PML: variants seen among roughly 807,000 people sequenced by gnomAD.
PML encodes the protein PML nuclear body scaffold.
In PML, 28 loss-of-function variants were observed where a neutral mutation model predicts 65.2. The ratio of observed to expected loss-of-function variants is 0.43; its 90% CI spans 0.32 to 0.59. The LOEUF (loss-of-function observed/expected upper bound fraction) is 0.59. Among genes scored for constraint, PML ranks in the 20% least tolerant of loss-of-function variants. The pLI is 0.08. For missense variants in PML, 1,021 were observed against 1,203.4 expected (o/e 0.85, Z 2.24); for synonymous variants, 500 against 508.8 (o/e 0.98, Z 0.23).
Position 74,043,306 on chromosome 15 carries a change from C to G in PML, c.1861+167C>G, listed in dbSNP as rs1351199449. 24 of 1,488,790 alleles carry G rather than the reference C, an allele frequency of 1.6e-5. No homozygotes were observed. Among genetic ancestry groups the G allele is most frequent in the Non-Finnish European group, 2.1e-5 (24 of 1,126,398 alleles). The allele number at this position is 1,488,790 out of a possible 1,614,324, so 92.2% of individuals were successfully genotyped here. ...CGGCTCACCTGGGCTCCTGGCGTGT[C>G]ATTTGCTGGCTTGAATAAAGATGTC... On this transcript the variant is annotated intron_variant, in intron 8 of 8. Coordinates refer to ENST00000268058, the MANE Select transcript of PML (RefSeq NM_033238.3). This position sits in a 1 kb window ranked among gnomAD's most constrained non-coding sequence, Gnocchi z 4.3.
chr15:73,998,074 C>T lies in PML; in HGVS notation c.200C>T (p.Pro67Leu). ...CQQCQAEAKCPKLLPCLHTLC... is the reference protein window; with the variant it reads ...CQQCQAEAKCLKLLPCLHTLC... ...CAATGCCAGGCGGAAGCCAAGTGCC[C>T]GAAGCTGCTGCCTTGTCTGCACACG... Residue 67 changes from proline to leucine, a missense_variant, in exon 2 of 9, where the codon CCG (proline) becomes CTG (leucine). Physicochemically the swap from Pro to Leu is moderately conservative, Grantham distance 98. Coordinates refer to ENST00000268058, the MANE Select transcript of PML (RefSeq NM_033238.3). 1 of 1,613,546 alleles carries T rather than the reference C, an allele frequency of 6.2e-7. No individual in the cohort carries two copies. The highest frequency in any genetic ancestry group is 2.2e-5 in the East Asian group (1 of 44,888).
chr15:73,997,875 G>A (rs1050034634), intron 1 of PML, 129 bp from the exon 2 acceptor site: 4 of 803,652 alleles, frequency 5.0e-6, no homozygotes, highest in South Asian at 1.5e-5. Context: ...CCAGGGTTTT[G>A]CATCATCCAA....
intron 7 of PML, among the ~76,000 whole-genome samples, chr15:74,041,992 A>G (rs1464542481): frequency 6.6e-6 from 1 of 152,204 alleles, no homozygotes; most frequent in Non-Finnish European, 1.5e-5. Context: ...CACAGGTGGC[A>G]TTCATGGGAG....
chr15:74,041,087 A>AT (rs1482902166), intron 7 of PML, among the ~76,000 whole-genome samples: 2 of 152,188 alleles, frequency 1.3e-5, no homozygotes, highest in African/African-American at 4.8e-5. Context: ...TTGTGGAGGC[A>AT]CTCAGGAACA....
chr15:74,010,185 A>ATTTTTTTTTTTTTTT lies in PML; in HGVS notation c.602+11723_602+11737dup, dbSNP rs536738558. On this transcript the variant is annotated intron_variant, in intron 2 of 8. Coordinates refer to ENST00000268058, the MANE Select transcript of PML (RefSeq NM_033238.3). ...AGACATGCACCACCATGCCCAGCTAATTTTTTTTTTTTTTTTTTTTTTTTT... is the reference window on the plus strand; with the variant it reads ...AGACATGCACCACCATGCCCAGCTAATTTTTTTTTTTTTTTTTTTTTTTTTTTTTTTTTTTTTTTT... Among the ~76,000 whole-genome samples, 57 of 77,930 alleles carry ATTTTTTTTTTTTTTT rather than the reference A, an allele frequency of 7.3e-4. 3 individuals carry two copies. Among genetic ancestry groups the ATTTTTTTTTTTTTTT allele is most frequent in the Admixed American group, 1.3e-3 (7 of 5,444 alleles). 51.1% of individuals were successfully genotyped at this position (77,930 alleles called of 152,430 possible).
At chr15:74,028,553 A>G (rs1399267570) in intron 4 of PML, 2 of 152,146 alleles carry the variant, frequency 1.3e-5, no homozygotes, top group Non-Finnish European at 2.9e-5. Flanking sequence ...ACAGTTCTTT[A>G]GCATTGAGTA....
Position 73,994,885 on chromosome 15 carries a change from C to T in PML, c.73C>T (p.Pro25Ser). The T allele has an allele frequency of 6.5e-7, 1 of 1,545,886 alleles. No homozygotes were observed. Among genetic ancestry groups the T allele is most frequent in the Non-Finnish European group, 8.8e-7 (1 of 1,141,470 alleles). The change falls in exon 1 of 9, where the codon CCC (proline) becomes TCC (serine). Residue 25 changes from proline to serine, a missense_variant. Transcript: ENST00000268058. ...CCGGCCCCAGGAGCCCACCATGCCT[C>T]CCCCCGAGACCCCCTCTGAAGGCCG... ...PARPQEPTMPPPETPSEGRQP... is the reference protein window; with the variant it reads ...PARPQEPTMPSPETPSEGRQP...
At chr15:74,030,826 C>T (rs541845940) in intron 4 of PML, among the ~76,000 whole-genome samples, 48 of 151,952 alleles carry the variant, frequency 3.2e-4, no homozygotes, top group East Asian at 5.8e-4. Context: ...ATTTTTATGG[C>T]GATAAAATTC....
chr15:74,035,049 T>C lies in PML; in HGVS notation c.1710+519T>C. The C allele has an allele frequency of 1.4e-6, 2 of 1,415,248 alleles. No homozygotes were observed. Among genetic ancestry groups the C allele is most frequent in the South Asian group, 1.1e-5 (1 of 87,344 alleles). 87.7% of individuals were successfully genotyped at this position (1,415,248 alleles called of 1,614,324 possible). A position where few individuals can be genotyped will look rare whatever the true frequency, so the allele number is the denominator to read the frequency against. ...AGTGACCCTTCTGTCCCTAGAGGTT[T>C]ATTACTAGAGGCTGGACTATCACCT... is the stretch of plus-strand genomic sequence containing the variant. On this transcript the variant is annotated intron_variant, in intron 7 of 8. Transcript: ENST00000268058. This position sits in a 1 kb window ranked among gnomAD's most constrained non-coding sequence, Gnocchi z 4.1.
intron 2 of PML, among the ~76,000 whole-genome samples, chr15:74,018,721 G>A (rs148096666): frequency 2.3e-4 from 35 of 152,302 alleles, no homozygotes; most frequent in Admixed American, 9.2e-4. Context: ...GCTTTGCTAA[G>A]ATAGAATTAT....
chr15:73,995,527 T>C (rs1329381523), intron 1 of PML, among the ~76,000 whole-genome samples: 1 of 152,232 alleles, frequency 6.6e-6, no homozygotes, highest in Non-Finnish European at 1.5e-5. Context: ...AAGGAACTAC[T>C]TGGGTTTCTT....
chr15:74,027,336 G>C (rs1362705592), intron 4 of PML: 1 of 152,182 alleles, frequency 6.6e-6, no homozygotes, highest in Non-Finnish European at 1.5e-5. Flanking sequence ...CAGATTGCTT[G>C]AGCCCAGGAA....
chr15:74,002,997 A>G (rs1250061137), intron 2 of PML, among the ~76,000 whole-genome samples: 1 of 152,094 alleles, frequency 6.6e-6, no homozygotes, highest in East Asian at 1.9e-4. Flanking sequence ...ATGGTGGCAC[A>G]TGCCTCTCGT....
At position 74,044,391 on chromosome 15, in the gene PML, A is replaced by T; in HGVS notation, c.2032A>T (p.Lys678Ter). The T allele has an allele frequency of 6.2e-7, 1 of 1,614,158 alleles. No individual in the cohort carries two copies. Among genetic ancestry groups the T allele is most frequent in the Non-Finnish European group, 8.5e-7 (1 of 1,180,018 alleles). The part of the protein sequence containing the change: ...SMRRPILACY[K>*]LWGPGLPNFF... The stretch of plus-strand genomic sequence containing the variant: ...GCGCCGCCCTATCTTGGCCTGCTAC[A>T]AGCTGTGGGGGCCTGGCCTCCCAAA... Residue 678 changes from lysine to a stop codon, truncating the protein, a stop_gained, in exon 9 of 9, where the codon AAG (lysine) becomes TAG (stop). Transcript: ENST00000268058. LOFTEE classifies it low-confidence loss of function (END_TRUNC).
rs2071709550 is a variant in PML, at chr15:74,042,088, GCTC to G, written c.1711-899_1711-897del. On this transcript the variant is annotated intron_variant, in intron 7 of 8. Coordinates refer to ENST00000268058, the MANE Select transcript of PML (RefSeq NM_033238.3). The surrounding 1 kb of genome is among the most constrained non-coding windows in gnomAD (Gnocchi z 5.3). ...AATTAACTCTGTATTACCATCAGAG[GCTC>G]CACCTCCCTCTGTAGTCCCAGTCCC... Among the ~76,000 whole-genome samples, 2 of 152,226 alleles carry G rather than the reference GCTC, an allele frequency of 1.3e-5. No homozygotes were observed. Among genetic ancestry groups the G allele is most frequent in the Admixed American group, 6.5e-5 (1 of 15,292 alleles).
At chr15:74,034,359 G>A (rs2141875790) in intron 6 of PML, 119 bp from the exon 7 acceptor site, 2 of 1,315,346 alleles carry the variant, frequency 1.5e-6, no homozygotes, top group South Asian at 2.4e-5. Context: ...CCGTCCCCCT[G>A]CAGGGCATCC....
intron 1 of PML, among the ~76,000 whole-genome samples, chr15:73,996,181 T>C (rs1434953093): frequency 6.6e-6 from 1 of 152,226 alleles, no homozygotes; most frequent in African/African-American, 2.4e-5. Context: ...CCACCATCTA[T>C]TTCCAGAACT....
In PML at chr15:73,998,032, A is replaced by G. The variant is rs951185816; in HGVS notation, c.158A>G (p.Gln53Arg). 3 of 1,612,656 alleles carry G rather than the reference A, an allele frequency of 1.9e-6. No individual in the cohort carries two copies. The highest frequency in any genetic ancestry group is 4.5e-5 in the East Asian group (2 of 44,882). ...GCCCCCGCTTCGGAGGAGGAGTTCC[A>G]GTTTCTGCGCTGCCAGCAATGCCAG... Reference protein sequence around the residue: ...ERAPASEEEFQFLRCQQCQAE... With the variant: ...ERAPASEEEFRFLRCQQCQAE... The change falls in exon 2 of 9, where the codon CAG (glutamine) becomes CGG (arginine). Residue 53 changes from glutamine (Q) to arginine (R), a missense_variant. Coordinates refer to ENST00000268058, the MANE Select transcript of PML (RefSeq NM_033238.3).
chr15:74,023,254 G>C lies in PML; in HGVS notation c.1029G>C (p.Gln343His), dbSNP rs2070923830. The C allele has an allele frequency of 6.2e-7, 1 of 1,611,000 alleles. No individual in the cohort carries two copies. Among genetic ancestry groups the C allele is most frequent in the Admixed American group, 1.7e-5 (1 of 59,992 alleles). The change falls in exon 3 of 9, where the codon CAG becomes CAC. Residue 343 changes from glutamine (Q) to histidine (H), a missense_variant. Transcript: ENST00000268058. ...VQRMKCYASD[Q>H]EVLDMHGFLR... ...GGATGAAGTGCTACGCCTCGGACCAGGAGGTGCTGGACATGCACGGTTTCC... is the reference window on the plus strand; with the variant it reads ...GGATGAAGTGCTACGCCTCGGACCACGAGGTGCTGGACATGCACGGTTTCC...
Sources: gnomAD v4.1 joint callset for allele counts (sites outside exome capture counted in the v4.1 genomes callset) on GRCh38, gnomAD v4.1.1 for gene constraint, Gnocchi (gnomAD v3.1) non-coding constraint, MANE v1.5 for transcripts, NCBI Gene and HGNC (gene_info 2026-07-23, HGNC 2026-07-21) for gene names.